The following SLC8A1 variants were observed in gnomAD, a reference collection of about 807,000 sequenced individuals.
SLC8A1 encodes the protein solute carrier family 8 member A1.
Under a neutral mutation model 68.3 loss-of-function variants are expected in SLC8A1, and 18 were observed. That is an observed-to-expected ratio of 0.26 (90% CI 0.18 to 0.39). The LOEUF is 0.39. SLC8A1 is among the 10% of genes least tolerant of loss of function. The pLI is 1.00. For synonymous variants in SLC8A1, 475 were observed against 415.5 expected, an observed-to-expected ratio of 1.14 and a Z score of -1.74; for missense variants, 985 against 1,156.7, an observed-to-expected ratio of 0.85 and a Z score of 2.15.
chr2:40,125,955 A>C (rs1352159379), intron 7 of SLC8A1, among the ~76,000 whole-genome samples: 1 of 152,174 alleles, frequency 6.6e-6, no homozygotes, highest in African/African-American at 2.4e-5. Context: ...CATGAATGTT[A>C]TACTATCTGC....
intron 1 of SLC8A1, among the ~76,000 whole-genome samples, chr2:40,484,673 G>T (rs1704843883): frequency 6.6e-6 from 1 of 152,222 alleles, no homozygotes; most frequent in Non-Finnish European, 1.5e-5. Context: ...GGTACTATCA[G>T]CTGAGTTAGC....
At chr2:40,417,609 A>G (rs6709329) in intron 2 of SLC8A1, among the ~76,000 whole-genome samples, 25,114 of 152,002 alleles carry the variant, frequency 0.17, 2,228 homozygotes, top group Middle Eastern at 0.24. Context: ...CTCCGGCTCA[A>G]GTGATCTTCC....
chr2:40,181,878 T>C (rs564425373), intron 2 of SLC8A1, among the ~76,000 whole-genome samples: 1 of 152,364 alleles, frequency 6.6e-6, no homozygotes, highest in African/African-American at 2.4e-5. Flanking sequence ...AAGATACTGC[T>C]ACCACTTCTT....
chr2:40,387,090 A>C lies in SLC8A1; in HGVS notation c.1808+41383T>G, dbSNP rs142137329. On this transcript the variant is annotated intron_variant, in intron 2 of 7. Transcript: ENST00000406785. ...ATCCAAAGAATGAATGATTCATTGG[A>C]AACAAGTATGTTCCAAAGGCTGACC... Among the ~76,000 whole-genome samples the C allele has an allele frequency of 7.3e-3, 1,104 of 151,614 alleles. 61 individuals are homozygous for C. Among genetic ancestry groups the C allele is most frequent in the African/African-American group, 0.025 (1,017 of 40,924 alleles).
At chr2:40,326,935 C>A (rs1008220488) in intron 2 of SLC8A1, among the ~76,000 whole-genome samples, 1 of 152,176 alleles carries the variant, frequency 6.6e-6, no homozygotes, top group African/African-American at 2.4e-5. Context: ...GTAGAAATTG[C>A]TAATGGTCCA....
At chr2:40,216,169 G>C (rs1019018048) in intron 2 of SLC8A1, among the ~76,000 whole-genome samples, 5 of 151,930 alleles carry the variant, frequency 3.3e-5, no homozygotes, top group Non-Finnish European at 5.9e-5. Flanking sequence ...CCCACCCACC[G>C]ACAGGCCCTG....
intron 2 of SLC8A1, among the ~76,000 whole-genome samples, chr2:40,225,879 A>C (rs1369901355): frequency 6.6e-6 from 1 of 152,162 alleles, no homozygotes; most frequent in Non-Finnish European, 1.5e-5. Flanking sequence ...TATGTTTATC[A>C]CTTGAATGGC....
At chr2:40,177,670 AGAGAG>A in intron 3 of SLC8A1, 1 of 832,186 alleles carries the variant, frequency 1.2e-6, no homozygotes, top group Admixed American at 2.1e-5. Flanking sequence ...GAGGAAGAGG[AGAGAG>A]TTAAGTGTGA....
At chr2:40,363,003 C>A (rs1675050991) in intron 2 of SLC8A1, among the ~76,000 whole-genome samples, 1 of 151,996 alleles carries the variant, frequency 6.6e-6, no homozygotes, top group Non-Finnish European at 1.5e-5. Flanking sequence ...CTAGTATGAC[C>A]ATAACATGTC....
chr2:40,125,476 T>C (rs777538259), intron 7 of SLC8A1, among the ~76,000 whole-genome samples: 49 of 152,114 alleles, frequency 3.2e-4, no homozygotes, highest in Non-Finnish European at 5.4e-4. Flanking sequence ...GTCTTCATTT[T>C]CCCCCACCTA....
At chr2:40,266,547 T>C (rs997945013) in intron 2 of SLC8A1, among the ~76,000 whole-genome samples, 2 of 152,176 alleles carry the variant, frequency 1.3e-5, no homozygotes, top group Non-Finnish European at 2.9e-5. Context: ...TAGAGGGCTG[T>C]GGAGAATGAT....
intron 2 of SLC8A1, among the ~76,000 whole-genome samples, chr2:40,384,171 A>C (rs2149567228): frequency 6.6e-6 from 1 of 152,164 alleles, no homozygotes; most frequent in East Asian, 1.9e-4. Context: ...CATGAAGATC[A>C]CATGAATCCC....
At chr2:40,500,808 T>G (rs1279198586) in intron 1 of SLC8A1, among the ~76,000 whole-genome samples, 1 of 134,838 alleles carries the variant, frequency 7.4e-6, no homozygotes, top group East Asian at 2.1e-4. Context: ...TTTTTTTTTT[T>G]TTTTTTTTTT....
intron 2 of SLC8A1, among the ~76,000 whole-genome samples, chr2:40,249,445 A>G (rs371798551): frequency 7.9e-5 from 12 of 152,362 alleles, no homozygotes; most frequent in African/African-American, 2.9e-4. Context: ...TTTCATTTGC[A>G]TAATTTTCCA....
chr2:40,130,543 G>A (rs1200251418), intron 7 of SLC8A1, among the ~76,000 whole-genome samples: 1 of 152,220 alleles, frequency 6.6e-6, no homozygotes, highest in Non-Finnish European at 1.5e-5. Flanking sequence ...TTTGCCTCTT[G>A]GCCTGACTGC....
At chr2:40,456,335 A>T (rs2373863), upstream of SLC8A1, among the ~76,000 whole-genome samples, 54,239 of 148,882 alleles carry the variant, frequency 0.36, 10,295 homozygotes, top group African/African-American at 0.45. Context: ...AAAAAAAAAA[A>T]AAAAAGAATT....
intron 2 of SLC8A1, among the ~76,000 whole-genome samples, chr2:40,393,339 C>A (rs975145206): frequency 6.6e-6 from 1 of 152,030 alleles, no homozygotes; most frequent in Non-Finnish European, 1.5e-5. Flanking sequence ...CATTAAGAAA[C>A]TTAGCAATCT....
At chr2:40,354,780 T>G (rs1339084711) in intron 2 of SLC8A1, among the ~76,000 whole-genome samples, 16 of 152,166 alleles carry the variant, frequency 1.1e-4, no homozygotes, top group Admixed American at 1.0e-3. Flanking sequence ...CATTTGACAA[T>G]GTGATTTATA....
At chr2:40,231,991 A>G (rs1395572489) in intron 2 of SLC8A1, among the ~76,000 whole-genome samples, 1 of 152,104 alleles carries the variant, frequency 6.6e-6, no homozygotes, top group Non-Finnish European at 1.5e-5. Context: ...ACAGTTTCTG[A>G]GATGAAGAAT....
Sources: allele counts gnomAD v4.1 joint callset (sites outside exome capture counted in the v4.1 genomes callset), GRCh38; gene constraint gnomAD v4.1.1; transcripts MANE v1.5; gene names NCBI Gene and HGNC (gene_info 2026-07-23, HGNC 2026-07-21).